ANKRD13A: variants seen among roughly 807,000 people sequenced by gnomAD.
ANKRD13A encodes ankyrin repeat domain-containing protein 13A.
In ANKRD13A, 48 loss-of-function variants were observed where a neutral mutation model predicts 81.3. That is an observed-to-expected ratio of 0.59 (90% confidence interval 0.47 to 0.75). The LOEUF is 0.75. Ranked by LOEUF, ANKRD13A falls within the 30% of genes least tolerant of loss-of-function variation. The probability of loss-of-function intolerance (pLI) is 0.00; values close to 1 mark genes in which losing one functional copy is unlikely to be tolerated. For missense variants in ANKRD13A, 612 were observed against 734.0 expected (o/e 0.83, Z 1.92); for synonymous variants, 230 against 270.1 (o/e 0.85, Z 1.45).
chr12:110,027,618 T>C, intron 8 of ANKRD13A, 87 bp from the exon 9 acceptor site: 1 of 1,284,266 alleles, frequency 7.8e-7, no homozygotes, highest in Non-Finnish European at 1.1e-6. Flanking sequence ...ATGAGGTAGC[T>C]TGGACCAGAA....
At chr12:110,007,330 A>C (rs1890289046) in intron 1 of ANKRD13A, among the ~76,000 whole-genome samples, 1 of 152,118 alleles carries the variant, frequency 6.6e-6, no homozygotes, top group Non-Finnish European at 1.5e-5. Flanking sequence ...CATGAGCATA[A>C]GGATGTTTTT....
chr12:110,032,754 A>T (rs1376977581), intron 12 of ANKRD13A: 1 of 152,382 alleles, frequency 6.6e-6, no homozygotes, highest in East Asian at 1.9e-4. Flanking sequence ...AGAATAACAT[A>T]TAGTATTGAA....
At chr12:110,023,756 C>G in intron 6 of ANKRD13A, 1 of 304,454 alleles carries the variant, frequency 3.3e-6, no homozygotes, top group East Asian at 5.9e-5. Flanking sequence ...GACTGCTGTC[C>G]AATAAATGTC....
intron 12 of ANKRD13A, among the ~76,000 whole-genome samples, chr12:110,031,336 T>G (rs1891676719): frequency 6.6e-6 from 1 of 152,046 alleles, no homozygotes; most frequent in Non-Finnish European, 1.5e-5. Flanking sequence ...TGCTCTCATT[T>G]TAAGTGTGAT....
At chr12:110,024,207 T>C in intron 7 of ANKRD13A, 95 bp downstream of exon 7, 1 of 1,074,910 alleles carries the variant, frequency 9.3e-7, no homozygotes, top group East Asian at 2.4e-5. Flanking sequence ...ATCTGTGCCA[T>C]GGAGATGCTC....
At chr12:110,004,868 G>A (rs1303322909) in intron 1 of ANKRD13A, among the ~76,000 whole-genome samples, 2 of 152,144 alleles carry the variant, frequency 1.3e-5, no homozygotes, top group South Asian at 4.1e-4. Context: ...CTTTCCCCTT[G>A]TAAGAACTGT....
intron 8 of ANKRD13A, among the ~76,000 whole-genome samples, chr12:110,026,219 C>A (rs1382317654): frequency 6.6e-6 from 1 of 151,688 alleles, no homozygotes; most frequent in Non-Finnish European, 1.5e-5. Flanking sequence ...CCCACCTCGG[C>A]CTCCGAAAGT....
At chr12:110,016,342 G>T in intron 3 of ANKRD13A, 46 bp from the exon 4 acceptor site, 1 of 1,436,294 alleles carries the variant, frequency 7.0e-7, no homozygotes, top group Non-Finnish European at 9.4e-7. Flanking sequence ...ATGTTGTGTT[G>T]ATAGTGCCAA....
intron 12 of ANKRD13A, chr12:110,032,231 C>G (rs1227706644): frequency 6.6e-6 from 1 of 151,992 alleles, no homozygotes; most frequent in Non-Finnish European, 1.5e-5. Flanking sequence ...GGACATTATT[C>G]TCTTATATTT....
chr12:110,032,109 TAGGA>T (rs1006110724), intron 12 of ANKRD13A: 3 of 152,222 alleles, frequency 2.0e-5, no homozygotes, highest in Non-Finnish European at 4.4e-5. Context: ...GTAAGAGTGG[TAGGA>T]ATGGCTGTCC....
chr12:110,013,903 T>C (rs1246917263), intron 3 of ANKRD13A, among the ~76,000 whole-genome samples: 1 of 152,218 alleles, frequency 6.6e-6, no homozygotes, highest in African/African-American at 2.4e-5. Context: ...GAAAGTAGCC[T>C]CCTGAGCATC....
At chr12:110,028,845 C>T (rs1891507691) in intron 10 of ANKRD13A, 2 of 513,152 alleles carry the variant, frequency 3.9e-6, no homozygotes, top group Non-Finnish European at 6.6e-6. Flanking sequence ...TCAAGCGGTT[C>T]TCCTGCCTCA....
At chr12:110,029,314 A>G in intron 10 of ANKRD13A, 164 bp from the exon 11 acceptor site, 1 of 681,542 alleles carries the variant, frequency 1.5e-6, no homozygotes, top group Non-Finnish European at 2.3e-6. Flanking sequence ...GGTGATGTGA[A>G]TTCCTTGTGG....
chr12:110,000,315 T>C (rs1401541437), intron 1 of ANKRD13A, among the ~76,000 whole-genome samples: 3 of 152,174 alleles, frequency 2.0e-5, no homozygotes, highest in East Asian at 3.9e-4. Flanking sequence ...ATGAGGATGT[T>C]GGTGCTGGGG....
chr12:110,021,088 T>C (rs1379647135), intron 6 of ANKRD13A: 5 of 456,188 alleles, frequency 1.1e-5, no homozygotes, highest in Non-Finnish European at 1.3e-5. Context: ...AAGGCACATT[T>C]TGTATTTTTG....
chr12:110,026,386 C>A (rs1368372985), intron 8 of ANKRD13A, among the ~76,000 whole-genome samples: 4 of 150,438 alleles, frequency 2.7e-5, no homozygotes. Flanking sequence ...CCAGCCTGAC[C>A]AACATGGAGA....
intron 12 of ANKRD13A, among the ~76,000 whole-genome samples, chr12:110,033,237 T>G (rs1184872011): frequency 6.8e-6 from 1 of 147,898 alleles, no homozygotes; most frequent in Non-Finnish European, 1.5e-5. Context: ...TTTTTTTTTG[T>G]ATTTTTAGTA....
At chr12:110,028,790 T>C in intron 10 of ANKRD13A, 148 bp downstream of exon 10, 1 of 1,141,742 alleles carries the variant, frequency 8.8e-7, no homozygotes, top group Non-Finnish European at 1.2e-6. Flanking sequence ...TAGGCTGGAG[T>C]GCAGTGGCAC....
Position 110,013,131 on chromosome 12 carries a change from A to C in ANKRD13A, c.236A>C (p.His79Pro), listed in dbSNP as rs770316828. The change falls in exon 3 of 15, where the codon CAT becomes CCT. Residue 79 changes from histidine to proline, a missense_variant. Physicochemically the swap from His to Pro is moderately conservative, Grantham distance 77. Coordinates refer to ENST00000261739, the MANE Select transcript of ANKRD13A (RefSeq NM_033121.2). ...KENRQGWTVL[H>P]EAVSTGDPEM... ...TCACCCTTTTGTTTTCTAGTTTTAC[A>C]TGAGGCTGTGAGCACTGGCGATCCT... 7 of 1,613,692 alleles carry C rather than the reference A, an allele frequency of 4.3e-6. No individual in the cohort carries two copies. The highest frequency in any genetic ancestry group is 5.9e-6 in the Non-Finnish European group (7 of 1,179,884).
Sources: gnomAD v4.1 joint callset for allele counts (sites outside exome capture counted in the v4.1 genomes callset) on GRCh38, gnomAD v4.1.1 for gene constraint, MANE v1.5 for transcripts, NCBI Gene and HGNC (gene_info 2026-07-23, HGNC 2026-07-21) for gene names.